Variants in PCDHA6 observed in about 807,000 individuals in gnomAD.
The protein encoded by PCDHA6 is protocadherin alpha-6.
Under a neutral mutation model 60.3 loss-of-function variants are expected in PCDHA6, and 55 were observed. That is an observed-to-expected ratio of 0.91 (90% CI 0.73 to 1.14). The LOEUF is 1.14. Ranked by LOEUF, PCDHA6 falls within the 50% of genes most tolerant of loss-of-function variation. The probability of loss-of-function intolerance (pLI) is 0.00; values close to 1 mark genes in which losing one functional copy is unlikely to be tolerated. For missense variants in PCDHA6, 1,327 were observed against 1,256.5 expected (o/e 1.06, Z -0.85); for synonymous variants, 652 against 557.9 (o/e 1.17, Z -2.38).
intron 1 of PCDHA6, chr5:140,836,292 C>T (rs1774344523): frequency 1.2e-6 from 2 of 1,613,782 alleles, no homozygotes; most frequent in Non-Finnish European, 1.7e-6. Context: ...GACACGAGCC[C>T]TAGATGAGAC....
intron 2 of PCDHA6, 176 bp downstream of exon 2, chr5:140,979,183 G>C (rs2096838721): frequency 1.1e-6 from 1 of 925,482 alleles, no homozygotes; most frequent in Admixed American, 6.2e-5. Context: ...CAAATGGTCA[G>C]TGCCAGATGC....
intron 1 of PCDHA6, among the ~76,000 whole-genome samples, chr5:140,897,064 CTT>C (rs1313385579): frequency 3.3e-5 from 5 of 152,042 alleles, no homozygotes; most frequent in Non-Finnish European, 4.4e-5. Flanking sequence ...AATACTATGT[CTT>C]ATTCATTTTT....
At chr5:140,997,656 T>G (rs2153947694) in intron 3 of PCDHA6, among the ~76,000 whole-genome samples, 1 of 149,610 alleles carries the variant, frequency 6.7e-6, no homozygotes. Flanking sequence ...GCAATATGTA[T>G]TATTATACAG....
In PCDHA6 at chr5:140,843,697, T is replaced by C. The variant is rs2150365268; in HGVS notation, c.2394+13212T>C. 3.9e-5 allele frequency: 61 copies of C among 1,583,460 alleles called. 6 individuals carry two copies. Among genetic ancestry groups the C allele is most frequent in the Middle Eastern group, 1.7e-4 (1 of 5,990 alleles). ...ATGTAGGCGAAGAGCAAGATTTAAA[T>C]GTTGATCATGGCCTCAAAGTAAGTC... On this transcript the variant is annotated intron_variant, in intron 1 of 3. Coordinates refer to ENST00000529310, the MANE Select transcript of PCDHA6 (RefSeq NM_018909.4).
At chr5:141,001,822 TGACAGAGAGGGA>T (rs541215764) in intron 3 of PCDHA6, among the ~76,000 whole-genome samples, 203 of 152,310 alleles carry the variant, frequency 1.3e-3, no homozygotes, top group African/African-American at 4.5e-3. Context: ...GGCCAAATTC[TGACAGAGAGGGA>T]GACAGAGAGA....
At chr5:140,874,079 T>C (rs1397045171) in intron 1 of PCDHA6, among the ~76,000 whole-genome samples, 2 of 152,234 alleles carry the variant, frequency 1.3e-5, no homozygotes, top group African/African-American at 4.8e-5. Flanking sequence ...CCTGATGACA[T>C]CAAAATTCAA....
intron 3 of PCDHA6, among the ~76,000 whole-genome samples, chr5:140,991,948 A>G (rs2097482017): frequency 6.6e-6 from 1 of 152,046 alleles, no homozygotes; most frequent in Non-Finnish European, 1.5e-5. Flanking sequence ...TAAAATTAGA[A>G]TGCAGTCATT....
At chr5:140,838,152 C>G (rs1353802529) in intron 1 of PCDHA6, among the ~76,000 whole-genome samples, 3 of 150,110 alleles carry the variant, frequency 2.0e-5, no homozygotes, top group Non-Finnish European at 4.4e-5. Context: ...TTTACTCTGT[C>G]GCCCTCTCTG....
At chr5:140,937,370 TTATG>T (rs2091504322) in intron 1 of PCDHA6, among the ~76,000 whole-genome samples, 1 of 152,120 alleles carries the variant, frequency 6.6e-6, no homozygotes, top group South Asian at 2.1e-4. Flanking sequence ...ATCTTAATGT[TTATG>T]TGTGTGTATG....
chr5:140,911,941 T>C (rs1554195035), intron 1 of PCDHA6, among the ~76,000 whole-genome samples: 1 of 152,132 alleles, frequency 6.6e-6, no homozygotes, highest in Non-Finnish European at 1.5e-5. Flanking sequence ...TAGATGTATA[T>C]ATAAAGGGGA....
At chr5:140,901,674 G>C (rs1387047115) in intron 1 of PCDHA6, among the ~76,000 whole-genome samples, 5 of 152,034 alleles carry the variant, frequency 3.3e-5, no homozygotes, top group African/African-American at 9.7e-5. Flanking sequence ...GATACCTTTA[G>C]GTATTATGGG....
At chr5:140,912,674 A>G (rs184432134) in intron 1 of PCDHA6, among the ~76,000 whole-genome samples, 14 of 152,238 alleles carry the variant, frequency 9.2e-5, no homozygotes, top group Admixed American at 7.2e-4. Flanking sequence ...GGCATCCTTG[A>G]CTTATTCCAG....
At chr5:140,992,295 A>G (rs2097504334) in intron 3 of PCDHA6, among the ~76,000 whole-genome samples, 1 of 152,134 alleles carries the variant, frequency 6.6e-6, no homozygotes, top group African/African-American at 2.4e-5. Flanking sequence ...AAAGGATGGG[A>G]GTATTGTTTT....
At chr5:140,944,219 A>G (rs191111426) in intron 1 of PCDHA6, among the ~76,000 whole-genome samples, 202 of 152,176 alleles carry the variant, frequency 1.3e-3, no homozygotes, top group Non-Finnish European at 2.3e-3. Context: ...AGAGGGTTTT[A>G]CTCTGTCGCT....
intron 1 of PCDHA6, among the ~76,000 whole-genome samples, chr5:140,977,149 G>A (rs1484811068): frequency 6.6e-6 from 1 of 152,198 alleles, no homozygotes; most frequent in Non-Finnish European, 1.5e-5. Flanking sequence ...TGCTGGAACT[G>A]TGCCTTTCAG....
chr5:140,932,406 T>C (rs1235222855), intron 1 of PCDHA6, among the ~76,000 whole-genome samples: 1 of 151,924 alleles, frequency 6.6e-6, no homozygotes, highest in East Asian at 1.9e-4. Flanking sequence ...CATACCAATG[T>C]TATATTAGTG....
At chr5:140,921,777 C>G (rs1434211783) in intron 1 of PCDHA6, among the ~76,000 whole-genome samples, 1 of 152,030 alleles carries the variant, frequency 6.6e-6, no homozygotes, top group Non-Finnish European at 1.5e-5. Flanking sequence ...TCAATACTGA[C>G]TTGGATGTTC....
At position 140,884,619 on chromosome 5, in the gene PCDHA6, A is replaced by C; in HGVS notation, c.2394+54134A>C. ...CTTCCTCCTTGTCTGGGTTCTGCAGAGGGAACAGGCCAGAGGGAGGAGGAC... is the reference window on the plus strand; with the variant it reads ...CTTCCTCCTTGTCTGGGTTCTGCAGCGGGAACAGGCCAGAGGGAGGAGGAC... On this transcript the variant is annotated intron_variant, in intron 1 of 3. Coordinates refer to ENST00000529310, the MANE Select transcript of PCDHA6 (RefSeq NM_018909.4). 3.7e-6 allele frequency: 6 copies of C among 1,614,074 alleles called. No homozygotes were observed. The highest frequency in any genetic ancestry group is 5.1e-6 in the Non-Finnish European group (6 of 1,179,956).
At chr5:140,868,860 A>C (rs2050688614) in intron 1 of PCDHA6, 1 of 525,418 alleles carries the variant, frequency 1.9e-6, no homozygotes, top group Admixed American at 3.7e-5. Context: ...GTGGTGGTAA[A>C]TGCAGTGCAC....
Sources: gnomAD v4.1 joint callset for allele counts (sites outside exome capture counted in the v4.1 genomes callset) on GRCh38, gnomAD v4.1.1 for gene constraint, MANE v1.5 for transcripts, NCBI Gene and HGNC (gene_info 2026-07-23, HGNC 2026-07-21) for gene names.